The following SAMD7 variants were observed in gnomAD, a reference collection of about 807,000 sequenced individuals.
SAMD7 encodes the protein sterile alpha motif domain containing 7, also known as sterile alpha motif domain-containing protein 7.
SAMD7 carries 34 observed loss-of-function variants against 36.7 expected under a neutral mutation model. The observed-to-expected ratio is 0.93, with a 90% CI of 0.71 to 1.23. The LOEUF is 1.23. SAMD7 is among the 50% of genes most tolerant of loss of function. The pLI, the probability that SAMD7 is intolerant of heterozygous loss-of-function variation, is 0.00. For missense variants in SAMD7, 570 were observed against 546.6 expected, an observed-to-expected ratio of 1.04 and a Z score of -0.43; for synonymous variants, 188 against 189.7, an observed-to-expected ratio of 0.99 and a Z score of 0.07.
intron 3 of SAMD7, among the ~76,000 whole-genome samples, 186 bp from the exon 4 acceptor site, chr3:169,921,028 G>A (rs1436768687): frequency 6.6e-6 from 1 of 152,100 alleles, no homozygotes; most frequent in Non-Finnish European, 1.5e-5. Context: ...CGTTAGTGGA[G>A]TACTTCCCGA....
intron 2 of SAMD7, among the ~76,000 whole-genome samples, chr3:169,917,048 A>G (rs528175801): frequency 6.6e-6 from 1 of 152,364 alleles, no homozygotes; most frequent in East Asian, 1.9e-4. Context: ...ATCAGAAAGG[A>G]AAGTATACTG....
At chr3:169,937,257 A>T (rs1043188928) in intron 8 of SAMD7, among the ~76,000 whole-genome samples, 2 of 151,418 alleles carry the variant, frequency 1.3e-5, no homozygotes, top group African/African-American at 4.9e-5. Context: ...CTTTTTTTTT[A>T]ATTTTAATTT....
intron 2 of SAMD7, among the ~76,000 whole-genome samples, chr3:169,919,203 GC>G (rs1333455935): frequency 6.6e-6 from 1 of 152,058 alleles, no homozygotes; most frequent in African/African-American, 2.4e-5. Context: ...ATCTTGCAAG[GC>G]TGATTTAATT....
chr3:169,931,900 G>C, intron 7 of SAMD7: 1 of 254,366 alleles, frequency 3.9e-6, no homozygotes. Flanking sequence ...GGACCAATGT[G>C]TGTAATGATG....
chr3:169,936,980 AT>A (rs1713743289), intron 8 of SAMD7, among the ~76,000 whole-genome samples: 1 of 152,230 alleles, frequency 6.6e-6, no homozygotes. Context: ...AGAAGTAATA[AT>A]AATAGTAAAA....
chr3:169,928,712 T>G, intron 7 of SAMD7, 134 bp downstream of exon 7: 2 of 909,596 alleles, frequency 2.2e-6, no homozygotes, highest in Non-Finnish European at 3.3e-6. Flanking sequence ...TGCCAGTGTC[T>G]ACCCTGGGAC....
At chr3:169,932,042 C>A in intron 7 of SAMD7, 1 of 638,768 alleles carries the variant, frequency 1.6e-6, no homozygotes, top group East Asian at 4.5e-5. Context: ...TTCCTGTCAT[C>A]TTTATCTTCA....
At chr3:169,923,079 T>C (rs1559950190) in intron 4 of SAMD7, among the ~76,000 whole-genome samples, 1 of 151,956 alleles carries the variant, frequency 6.6e-6, no homozygotes, top group Non-Finnish European at 1.5e-5. Context: ...GTATCTTCTA[T>C]CCCCCCCAAA....
intron 2 of SAMD7, among the ~76,000 whole-genome samples, chr3:169,916,981 A>G (rs1328676222): frequency 6.6e-6 from 1 of 152,212 alleles, no homozygotes; most frequent in Non-Finnish European, 1.5e-5. Context: ...GGCACCTAGC[A>G]CAGATTTTTA....
chr3:169,925,374 AAAAAAG>A (rs1328070313), intron 5 of SAMD7, among the ~76,000 whole-genome samples: 1 of 152,000 alleles, frequency 6.6e-6, no homozygotes, highest in South Asian at 2.1e-4. Flanking sequence ...CACTTAAAAA[AAAAAAG>A]AAAAAGAAAT....
chr3:169,913,855 G>T (rs1712696850), intron 1 of SAMD7, among the ~76,000 whole-genome samples: 1 of 152,150 alleles, frequency 6.6e-6, no homozygotes, highest in Non-Finnish European at 1.5e-5. Context: ...TCAAAACAAT[G>T]ATTTTAAGGC....
intron 6 of SAMD7, among the ~76,000 whole-genome samples, chr3:169,927,721 A>C (rs1713334790): frequency 6.6e-6 from 1 of 152,160 alleles, no homozygotes; most frequent in South Asian, 2.1e-4. Flanking sequence ...GAGAATTTTC[A>C]ACAAAGGCTG....
At chr3:169,928,375 G>C in intron 6 of SAMD7, 82 bp from the exon 7 acceptor site, 1 of 1,249,854 alleles carries the variant, frequency 8.0e-7, no homozygotes, top group Admixed American at 1.8e-5. Context: ...GACCACTCTG[G>C]GGTGATAGAA....
intron 1 of SAMD7, among the ~76,000 whole-genome samples, chr3:169,913,662 C>T (rs1412322120): frequency 1.3e-5 from 2 of 152,170 alleles, no homozygotes; most frequent in Non-Finnish European, 2.9e-5. Context: ...TTGGGATTAC[C>T]AGACACGCTC....
chr3:169,922,480 A>G lies in SAMD7; in HGVS notation c.211+1142A>G, dbSNP rs149782552. On this transcript the variant is annotated intron_variant, in intron 4 of 8. Transcript: ENST00000335556. ...AGCTAATTACCATATGCCTTATCTC[A>G]CACATTTATCACCTTTTTTGTTGTT... 8.4e-3 allele frequency among the ~76,000 whole-genome samples: 1,281 copies of G among 152,256 alleles called. 16 individuals are homozygous for G. Among genetic ancestry groups the G allele is most frequent in the African/African-American group, 0.029 (1,212 of 41,554 alleles).
chr3:169,912,859 C>T (rs1712661276), intron 1 of SAMD7, among the ~76,000 whole-genome samples: 1 of 152,132 alleles, frequency 6.6e-6, no homozygotes, highest in South Asian at 2.1e-4. Context: ...TAAAGTTCTC[C>T]TCCGTCCTTG....
chr3:169,925,665 G>A (rs886655318), intron 5 of SAMD7, among the ~76,000 whole-genome samples: 4 of 152,198 alleles, frequency 2.6e-5, no homozygotes, highest in South Asian at 4.1e-4. Flanking sequence ...GGAGGAGGTA[G>A]CAGTGAGCCG....
In SAMD7 at chr3:169,919,547, C is replaced by T. The variant is rs1484434817; in HGVS notation, c.49C>T (p.Leu17=). The change falls in exon 3 of 9, where the codon CTG becomes TTG. Residue 17 remains leucine (L), a synonymous_variant. Transcript: ENST00000335556. Reference sequence around the variant, plus strand: ...ACCAACAGGGCAGCAGACAATCCCACTGATCCCCTCACCATTTGGGCCTCC... The same window carrying T: ...ACCAACAGGGCAGCAGACAATCCCATTGATCCCCTCACCATTTGGGCCTCC... ...LTPTGQQTIP[L]IPSPFGPPTV... is the part of the protein sequence containing the mutation. The T allele has an allele frequency of 1.2e-6, 2 of 1,614,162 alleles. No homozygotes were observed. The highest frequency in any genetic ancestry group is 1.7e-5 in the Admixed American group (1 of 60,030).
chr3:169,915,003 C>T (rs149213691), intron 1 of SAMD7, among the ~76,000 whole-genome samples: 1 of 152,300 alleles, frequency 6.6e-6, no homozygotes, highest in African/African-American at 2.4e-5. Flanking sequence ...AGTCATTTCC[C>T]ATCTGAAGCA....
Sources: allele counts gnomAD v4.1 joint callset (sites outside exome capture counted in the v4.1 genomes callset), GRCh38; gene constraint gnomAD v4.1.1; transcripts MANE v1.5; gene names NCBI Gene and HGNC (gene_info 2026-07-23, HGNC 2026-07-21).